The following JAZF1 variants were observed in gnomAD, a reference collection of about 807,000 sequenced individuals.
The protein encoded by JAZF1 is juxtaposed with another zinc finger protein 1.
A neutral mutation model predicts 26.4 loss-of-function variants in JAZF1; 8 were observed. The observed-to-expected ratio is 0.30, with a 90% CI of 0.18 to 0.55. The LOEUF is 0.55. Ranked by LOEUF, JAZF1 falls within the 20% of genes least tolerant of loss-of-function variation. JAZF1 has a pLI of 0.94. For missense variants in JAZF1, 199 were observed against 322.0 expected, an observed-to-expected ratio of 0.62 and a Z score of 2.92; for synonymous variants, 126 against 122.3, an observed-to-expected ratio of 1.03 and a Z score of -0.20.
intron 1 of JAZF1, among the ~76,000 whole-genome samples, chr7:28,154,556 T>C (rs1177722424): frequency 6.6e-6 from 1 of 152,132 alleles, no homozygotes; most frequent in East Asian, 1.9e-4. Flanking sequence ...ACTGAATGTC[T>C]CTTGAATGCC....
At chr7:27,891,489 G>C (rs934892035) in intron 3 of JAZF1, among the ~76,000 whole-genome samples, 2 of 152,108 alleles carry the variant, frequency 1.3e-5, no homozygotes, top group Admixed American at 6.5e-5. Context: ...GACAAGGATA[G>C]GAAAGGAAAA....
intron 1 of JAZF1, among the ~76,000 whole-genome samples, chr7:28,149,524 A>T (rs1375260983): frequency 1.3e-5 from 2 of 152,152 alleles, no homozygotes; most frequent in African/African-American, 4.8e-5. Flanking sequence ...GGCTATCGCA[A>T]GTCCTCCTTG....
intron 2 of JAZF1, among the ~76,000 whole-genome samples, chr7:27,927,302 G>T (rs1023058946): frequency 1.3e-5 from 2 of 152,116 alleles, no homozygotes; most frequent in African/African-American, 4.8e-5. Flanking sequence ...ATTTACTAAA[G>T]AAATGAACAA....
chr7:27,883,142 T>G (rs138898110), intron 3 of JAZF1, among the ~76,000 whole-genome samples: 2 of 152,200 alleles, frequency 1.3e-5, no homozygotes, highest in Non-Finnish European at 2.9e-5. Context: ...GCATTCTTTC[T>G]TGGGGAGACA....
chr7:28,092,445 T>C (rs1784318243), intron 1 of JAZF1, among the ~76,000 whole-genome samples: 1 of 151,808 alleles, frequency 6.6e-6, no homozygotes, highest in African/African-American at 2.4e-5. Context: ...TTTGATGTTA[T>C]ATTGCCTGTT....
rs562255429 is a variant in JAZF1, at chr7:27,832,865, G to A, written c.667C>T (p.Arg223Trp). The part of the protein sequence containing the change: ...GKSYKTAQGL[R>W]HHTINFHPPV... ...GGATGGAAATTGATTGTGTGGTGCCGCAGGCCCTGAGCTGTCTTGTAACTC... is the reference window on the plus strand; with the variant it reads ...GGATGGAAATTGATTGTGTGGTGCCACAGGCCCTGAGCTGTCTTGTAACTC... Residue 223 changes from arginine (R) to tryptophan (W), a missense_variant, in exon 5 of 5, where the codon CGG (arginine) becomes TGG (tryptophan). By Grantham distance (101) the Arg-to-Trp change is moderately radical. Around this residue, in one of 2 missense-constraint regions of JAZF1, gnomAD observed 62 missense variants for 137.2 expected, o/e 0.45. Transcript: ENST00000283928. 4 of 1,611,114 alleles carry A rather than the reference G, an allele frequency of 2.5e-6. No individual in the cohort carries two copies. Among genetic ancestry groups the A allele is most frequent in the African/African-American group, 2.7e-5 (2 of 74,898 alleles).
Position 27,830,806 on chromosome 7 carries a change from C to T in JAZF1, c.*1994G>A, listed in dbSNP as rs549013181. 4.9e-6 allele frequency: 1 copy of T among 205,134 alleles called. No homozygotes were observed. The highest frequency in any genetic ancestry group is 7.5e-5 in the East Asian group (1 of 13,302). The allele number at this position is 205,134 out of a possible 1,614,324, so 12.7% of individuals were successfully genotyped here. On this transcript the variant is annotated 3_prime_UTR_variant, in exon 5 of 5. Coordinates refer to ENST00000283928, the MANE Select transcript of JAZF1 (RefSeq NM_175061.4). ...TATACACAGTATAACAAAATATTCC[C>T]ATCCTTACCTGTTTAGTAATACTGT... is the stretch of plus-strand genomic sequence containing the variant.
chr7:28,085,493 AG>A (rs1784199582), intron 1 of JAZF1, among the ~76,000 whole-genome samples: 1 of 152,218 alleles, frequency 6.6e-6, no homozygotes, highest in African/African-American at 2.4e-5. Flanking sequence ...AAATAGGTAA[AG>A]GGAACACTTA....
intron 4 of JAZF1, among the ~76,000 whole-genome samples, chr7:27,835,878 T>C (rs905776188): frequency 6.6e-6 from 1 of 152,190 alleles, no homozygotes; most frequent in African/African-American, 2.4e-5. Context: ...CTGAAATTCT[T>C]TGGTCTTTGA....
chr7:27,855,615 G>A (rs2128334983), intron 3 of JAZF1, among the ~76,000 whole-genome samples: 1 of 152,298 alleles, frequency 6.6e-6, no homozygotes, highest in South Asian at 2.1e-4. Context: ...AAATCTAGAA[G>A]AAATGGATAA....
chr7:28,127,060 G>GT (rs1338133766), intron 1 of JAZF1, among the ~76,000 whole-genome samples: 4 of 152,244 alleles, frequency 2.6e-5, no homozygotes, highest in African/African-American at 9.6e-5. Context: ...ATCCCAGGCA[G>GT]TGGTCAACAG....
chr7:28,023,883 C>A (rs1006853835), intron 1 of JAZF1, among the ~76,000 whole-genome samples: 4 of 152,012 alleles, frequency 2.6e-5, no homozygotes, highest in Admixed American at 2.6e-4. Flanking sequence ...AAATGAGCAC[C>A]TAGAAAAAAC....
chr7:28,173,929 T>A (rs1783511064), intron 1 of JAZF1, among the ~76,000 whole-genome samples: 1 of 146,338 alleles, frequency 6.8e-6, no homozygotes, highest in African/African-American at 2.5e-5. Flanking sequence ...TACTGCAACA[T>A]TCCAGTGCTT....
intron 1 of JAZF1, among the ~76,000 whole-genome samples, chr7:28,083,304 C>T (rs942631537): frequency 1.3e-5 from 2 of 152,136 alleles, no homozygotes; most frequent in Non-Finnish European, 2.9e-5. Flanking sequence ...ATATCACAAC[C>T]CCAGAATCTG....
chr7:27,935,231 G>A (rs115962818), intron 2 of JAZF1, among the ~76,000 whole-genome samples: 360 of 152,268 alleles, frequency 2.4e-3, no homozygotes, highest in African/African-American at 8.0e-3. Context: ...AATTGGAATC[G>A]TCACCTATTG....
intron 4 of JAZF1, among the ~76,000 whole-genome samples, chr7:27,838,880 G>A (rs952748969): frequency 6.6e-6 from 1 of 152,122 alleles, no homozygotes; most frequent in African/African-American, 2.4e-5. Context: ...TGCCACCCAT[G>A]TCACCTGCCA....
At chr7:28,025,127 C>A (rs1057255567) in intron 1 of JAZF1, among the ~76,000 whole-genome samples, 1 of 152,186 alleles carries the variant, frequency 6.6e-6, no homozygotes, top group Admixed American at 6.5e-5. Context: ...GCAACAATGT[C>A]CGTTGAGTGT....
intron 1 of JAZF1, among the ~76,000 whole-genome samples, chr7:28,120,642 G>A (rs138442037): frequency 1.4e-3 from 213 of 151,024 alleles, no homozygotes; most frequent in African/African-American, 5.0e-3. Flanking sequence ...CGAGTAGCTG[G>A]GATTTTCATT....
At chr7:28,020,879 G>A (rs1167056975) in intron 1 of JAZF1, 4 of 349,760 alleles carry the variant, frequency 1.1e-5, no homozygotes, top group Admixed American at 3.8e-5. Context: ...AATACCAACC[G>A]AACCACTCCC....
Sources: allele counts gnomAD v4.1 joint callset (sites outside exome capture counted in the v4.1 genomes callset), GRCh38; gene constraint gnomAD v4.1.1; regional missense constraint gnomAD v4.1.1; transcripts MANE v1.5; gene names NCBI Gene and HGNC (gene_info 2026-07-23, HGNC 2026-07-21).